The following DNM3 variants were observed in gnomAD, a reference collection of about 807,000 sequenced individuals.
DNM3 encodes dynamin 3.
DNM3 carries 47 observed loss-of-function variants against 101.6 expected under a neutral mutation model. The ratio of observed to expected loss-of-function variants is 0.46; its 90% confidence interval spans 0.37 to 0.59. DNM3 has a LOEUF of 0.59. DNM3 is among the 20% of genes least tolerant of loss of function. DNM3 has a pLI of 0.00. For synonymous variants in DNM3, 385 were observed against 387.9 expected (o/e 0.99, Z 0.09); for missense variants, 849 against 1,085.7 (o/e 0.78, Z 3.06).
chr1:172,020,721 C>CAAAAAAAAAA (rs3051630), intron 4 of DNM3, among the ~76,000 whole-genome samples: 32 of 66,304 alleles, frequency 4.8e-4, no homozygotes, highest in East Asian at 1.5e-3. Flanking sequence ...GAGACTCCGT[C>CAAAAAAAAAA]AAAAAAAAAA....
At chr1:172,302,775 G>A (rs2064533057) in intron 15 of DNM3, among the ~76,000 whole-genome samples, 1 of 152,122 alleles carries the variant, frequency 6.6e-6, no homozygotes, top group South Asian at 2.1e-4. Context: ...CAACAGACCT[G>A]CACCTGAGGG....
chr1:171,997,519 T>C (rs2046081519), intron 4 of DNM3, among the ~76,000 whole-genome samples: 1 of 152,042 alleles, frequency 6.6e-6, no homozygotes, highest in Non-Finnish European at 1.5e-5. Context: ...CGTTCAGTGC[T>C]TTCTCAAAGG....
Position 172,412,618 on chromosome 1 carries a change from A to G in DNM3, c.*4777A>G. ...CTCTTAGAATGGAATTTTTGAAGAAAAATCTCAAAGCCTGTATCGTTCTTG... is the reference window on the plus strand; with the variant it reads ...CTCTTAGAATGGAATTTTTGAAGAAGAATCTCAAAGCCTGTATCGTTCTTG... On this transcript the variant is annotated 3_prime_UTR_variant, in exon 21 of 21. Coordinates refer to ENST00000627582, the MANE Select transcript of DNM3 (RefSeq NM_015569.5). The G allele has an allele frequency of 4.1e-6, 4 of 985,852 alleles. No homozygotes were observed. Among genetic ancestry groups the G allele is most frequent in the Non-Finnish European group, 4.8e-6 (4 of 829,946 alleles). 61.1% of individuals were successfully genotyped at this position (985,852 alleles called of 1,614,324 possible).
At position 172,409,780 on chromosome 1, in the gene DNM3, T is replaced by C. The variant is rs1273487440; in HGVS notation, c.*1939T>C. 1.0e-6 allele frequency: 1 copy of C among 985,796 alleles called. No individual in the cohort carries two copies. Among genetic ancestry groups the C allele is most frequent in the Non-Finnish European group, 1.2e-6 (1 of 829,866 alleles). The allele number at this position is 985,796 out of a possible 1,614,324, so 61.1% of individuals were successfully genotyped here. The stretch of plus-strand genomic sequence containing the variant: ...TCCCTTTGCTTCTTCCTTTGAATTC[T>C]CTAAAATAGGCAGCTAACGGATTAT... On this transcript the variant is annotated 3_prime_UTR_variant, in exon 21 of 21. Coordinates refer to ENST00000627582, the MANE Select transcript of DNM3 (RefSeq NM_015569.5).
intron 18 of DNM3, among the ~76,000 whole-genome samples, chr1:172,382,524 C>T (rs2068965884): frequency 6.6e-6 from 1 of 152,134 alleles, no homozygotes; most frequent in African/African-American, 2.4e-5. Flanking sequence ...CAAGATCACA[C>T]AGCTGGGGGT....
chr1:172,068,755 T>C, intron 10 of DNM3, 64 bp from the exon 11 acceptor site: 1 of 1,343,290 alleles, frequency 7.4e-7, no homozygotes, highest in Non-Finnish European at 1.0e-6. Flanking sequence ...ATAATTTATC[T>C]CTGCTTCTTT....
intron 2 of DNM3, among the ~76,000 whole-genome samples, chr1:171,947,995 C>G (rs2042269669): frequency 6.6e-6 from 1 of 152,174 alleles, no homozygotes; most frequent in Non-Finnish European, 1.5e-5. Flanking sequence ...TCTGTAGGGG[C>G]TTTTTCAAGC....
At chr1:171,926,313 C>A (rs2040568640) in intron 2 of DNM3, among the ~76,000 whole-genome samples, 1 of 152,168 alleles carries the variant, frequency 6.6e-6, no homozygotes, top group Admixed American at 6.5e-5. Context: ...GCAGTATAGT[C>A]ATTTTAACCA....
intron 9 of DNM3, among the ~76,000 whole-genome samples, chr1:172,045,823 A>G (rs1483757278): frequency 6.6e-6 from 1 of 152,220 alleles, no homozygotes; most frequent in East Asian, 1.9e-4. Flanking sequence ...CAAAGGGCCA[A>G]GTTGAGACTG....
chr1:172,253,527 CT>C lies in DNM3; in HGVS notation c.1660-45del, dbSNP rs2062270021. The C allele has an allele frequency of 2.5e-6, 3 of 1,187,150 alleles. No individual in the cohort carries two copies. The South Asian group carries it at 4.0e-5, about 16-fold the overall frequency. 73.5% of individuals were successfully genotyped at this position (1,187,150 alleles called of 1,614,324 possible). On this transcript the variant is annotated intron_variant, in intron 14 of 20. Transcript: ENST00000627582. ...CTCCTCTCCTCTCCTCTCCTCTCCT[CT>C]CCTCTCCTCTCCTCTCCCTCTTTTC...
chr1:172,039,659 A>G (rs529128471), intron 7 of DNM3, among the ~76,000 whole-genome samples: 1 of 152,186 alleles, frequency 6.6e-6, no homozygotes, highest in South Asian at 2.1e-4. Context: ...TTGGACTCAG[A>G]TTACAGAACT....
At position 172,142,208 on chromosome 1, in the gene DNM3, T is replaced by C. The variant is rs377374848; in HGVS notation, c.1659+10920T>C. On this transcript the variant is annotated intron_variant, in intron 14 of 20. Coordinates refer to ENST00000627582, the MANE Select transcript of DNM3 (RefSeq NM_015569.5). Reference sequence around the variant, plus strand: ...TTAGTTTCCTCTGGAATAGATTCCATGATCCCTAAAATATTTGTATATCTC... The same window carrying C: ...TTAGTTTCCTCTGGAATAGATTCCACGATCCCTAAAATATTTGTATATCTC... The C allele has an allele frequency of 3.3e-5, 5 of 152,064 alleles. No individual in the cohort carries two copies. In the East Asian group the frequency reaches 7.7e-4, roughly 24 times the overall value. 9.4% of individuals were successfully genotyped at this position (152,064 alleles called of 1,614,324 possible).
At chr1:171,948,557 A>G (rs2042306757) in intron 2 of DNM3, among the ~76,000 whole-genome samples, 1 of 152,222 alleles carries the variant, frequency 6.6e-6, no homozygotes, top group African/African-American at 2.4e-5. Flanking sequence ...CTTCTCATTA[A>G]TGACCACTTT....
At chr1:172,074,194 A>G (rs189756405) in intron 11 of DNM3, among the ~76,000 whole-genome samples, 24 of 152,294 alleles carry the variant, frequency 1.6e-4, no homozygotes, top group African/African-American at 5.5e-4. Flanking sequence ...TGTTAGTGCT[A>G]CAAAAGAAAA....
In DNM3 at chr1:172,106,847, C is replaced by CTTTTTTTTTTTTTTTTTTTTTTTTTTTTT. The variant is rs1165611083; in HGVS notation, c.1545+13996_1545+13997insTTTTTTTTTTTTTTTTTTTTTTTTTTTTT. On this transcript the variant is annotated intron_variant, in intron 13 of 20. Transcript: ENST00000627582. ...TTATTCAATTTAAGGTAACATTATT[C>CTTTTTTTTTTTTTTTTTTTTTTTTTTTTT]TTTTTTTTTTTTTTTTTTTTTTTTG... Among the ~76,000 whole-genome samples the CTTTTTTTTTTTTTTTTTTTTTTTTTTTTT allele has an allele frequency of 1.6e-4, 11 of 67,958 alleles. 2 individuals are homozygous for CTTTTTTTTTTTTTTTTTTTTTTTTTTTTT. Among genetic ancestry groups the CTTTTTTTTTTTTTTTTTTTTTTTTTTTTT allele is most frequent in the African/African-American group, 7.0e-4 (11 of 15,794 alleles). 44.6% of individuals were successfully genotyped at this position (67,958 alleles called of 152,430 possible).
At chr1:172,234,614 C>A (rs12405500) in intron 14 of DNM3, among the ~76,000 whole-genome samples, 5 of 151,950 alleles carry the variant, frequency 3.3e-5, no homozygotes, top group African/African-American at 1.2e-4. Flanking sequence ...GGAGGCATCA[C>A]GCTACCTGAC....
At chr1:172,276,274 G>A (rs1028812423) in intron 15 of DNM3, among the ~76,000 whole-genome samples, 5 of 151,972 alleles carry the variant, frequency 3.3e-5, no homozygotes, top group African/African-American at 1.2e-4. Context: ...AATCCTACCT[G>A]TGAATGATGT....
At chr1:172,353,850 A>G (rs911035337) in intron 17 of DNM3, among the ~76,000 whole-genome samples, 1 of 152,150 alleles carries the variant, frequency 6.6e-6, no homozygotes, top group African/African-American at 2.4e-5. Context: ...ATATATTCAT[A>G]TTTATATGAC....
At chr1:172,152,709 C>A (rs1304854660) in intron 14 of DNM3, among the ~76,000 whole-genome samples, 1 of 152,038 alleles carries the variant, frequency 6.6e-6, no homozygotes, top group Non-Finnish European at 1.5e-5. Flanking sequence ...TATCAAATTC[C>A]CCACTTAAAG....
Sources: allele counts gnomAD v4.1 joint callset (sites outside exome capture counted in the v4.1 genomes callset), GRCh38; gene constraint gnomAD v4.1.1; transcripts MANE v1.5; gene names NCBI Gene and HGNC (gene_info 2026-07-23, HGNC 2026-07-21).